PEAR1: variants seen among roughly 807,000 people sequenced by gnomAD.
The protein encoded by PEAR1 is multiple EGF-like domains protein 12.
A neutral mutation model predicts 131.2 loss-of-function variants in PEAR1; 113 were observed. The observed-to-expected ratio is 0.86, with a 90% confidence interval of 0.74 to 1.01. PEAR1 has a LOEUF of 1.01. PEAR1 is among the 50% of genes least tolerant of loss of function. PEAR1 has a pLI of 0.00. For synonymous variants in PEAR1, 565 were observed against 523.3 expected, an observed-to-expected ratio of 1.08 and a Z score of -1.09; for missense variants, 1,408 against 1,391.1, an observed-to-expected ratio of 1.01 and a Z score of -0.19.
rs113704391 is a variant in PEAR1 at position 156,908,215 on chromosome 1, C to A, written c.990C>A (p.Ala330=). The part of the protein sequence containing the change: ...DCAPDARCFP[A]NGACLCEHGF... ...CCCCGGACGCCCGTTGCTTCCCGGC[C>A]AACGGCGCATGTCTGTGCGAACACG... Residue 330 remains alanine, a synonymous_variant, in exon 9 of 23, where the codon GCC becomes GCA. Transcript: ENST00000292357. This position sits in a 1 kb window ranked among gnomAD's most constrained non-coding sequence, Gnocchi z 4.2. 5.7e-5 allele frequency: 91 copies of A among 1,602,980 alleles called. 1 individual carries two copies. The African/African-American group carries it at 9.7e-4, about 17-fold the overall frequency.
At chr1:156,901,189 G>A (rs369984389) in intron 1 of PEAR1, among the ~76,000 whole-genome samples, 7 of 152,278 alleles carry the variant, frequency 4.6e-5, no homozygotes, top group East Asian at 1.9e-4. Context: ...TGCCTCCTCC[G>A]CACTCTGGCC....
rs561911233 is a variant in PEAR1, at chr1:156,902,219, G to C, written c.-9-1699G>C. 6.6e-6 allele frequency: 1 copy of C among 152,572 alleles called. No individual in the cohort carries two copies. Among genetic ancestry groups the C allele is most frequent in the Admixed American group, 6.5e-5 (1 of 15,306 alleles). The allele number at this position is 152,572 out of a possible 1,614,324, so 9.5% of individuals were successfully genotyped here. A position where few individuals can be genotyped will look rare whatever the true frequency, so the allele number is the denominator to read the frequency against. On this transcript the variant is annotated intron_variant, in intron 1 of 22. Coordinates refer to ENST00000292357, the MANE Select transcript of PEAR1 (RefSeq NM_001080471.3). This position sits in a 1 kb window ranked among gnomAD's most constrained non-coding sequence, Gnocchi z 4.3. ...TATCCTGAACGCTGGGATCCCCCAGGACATTCCCTGGCCCCCAGGCCCCAG... is the reference window on the plus strand; with the variant it reads ...TATCCTGAACGCTGGGATCCCCCAGCACATTCCCTGGCCCCCAGGCCCCAG...
intron 1 of PEAR1, among the ~76,000 whole-genome samples, chr1:156,896,225 T>C (rs1157615755): frequency 6.6e-6 from 1 of 152,208 alleles, no homozygotes. Context: ...GGAGGCATAA[T>C]AGCACTTACT....
Position 156,908,422 on chromosome 1 carries a change from C to A in PEAR1, c.1115+82C>A. 1 of 1,407,170 alleles carries A rather than the reference C, an allele frequency of 7.1e-7. No homozygotes were observed. Among genetic ancestry groups the A allele is most frequent in the Non-Finnish European group, 9.4e-7 (1 of 1,066,256 alleles). The allele number at this position is 1,407,170 out of a possible 1,614,324, so 87.2% of individuals were successfully genotyped here. On this transcript the variant is annotated intron_variant, in intron 9 of 22. Coordinates refer to ENST00000292357, the MANE Select transcript of PEAR1 (RefSeq NM_001080471.3). The surrounding 1 kb of genome is among the most constrained non-coding windows in gnomAD (Gnocchi z 4.2). ...GCCGAAGTCACCACAGAGCCAGGGC[C>A]ATATCCAAGGGGGACAGGTGTCACA...
chr1:156,905,273 G>A, intron 3 of PEAR1, 51 bp from the exon 4 acceptor site: 1 of 1,564,906 alleles, frequency 6.4e-7, no homozygotes, highest in Non-Finnish European at 8.7e-7. Context: ...CCACACTGTG[G>A]TGAGTGCGGA....
intron 17 of PEAR1, 33 bp from the exon 18 acceptor site, chr1:156,912,737 T>C: frequency 1.2e-6 from 2 of 1,613,652 alleles, no homozygotes; most frequent in Non-Finnish European, 8.5e-7. Context: ...AGAGCCAAGA[T>C]GCCATTCTGA....
In PEAR1 at chr1:156,909,804, A is replaced by C; in HGVS notation, c.1465A>C (p.Ser489Arg). The C allele has an allele frequency of 1.9e-6, 3 of 1,613,978 alleles. No individual in the cohort carries two copies. The highest frequency in any genetic ancestry group is 3.3e-5 in the Admixed American group (2 of 60,020). Residue 489 changes from serine to arginine, a missense_variant, in exon 12 of 23, where the codon AGT becomes CGT. Ser to Arg is a moderately radical substitution (Grantham distance 110). Coordinates refer to ENST00000292357, the MANE Select transcript of PEAR1 (RefSeq NM_001080471.3). ...VPCPPGTWGFSCNASCQCAHE... is the reference protein window; with the variant it reads ...VPCPPGTWGFRCNASCQCAHE... Reference sequence around the variant, plus strand: ...CTGCCCACCCGGAACCTGGGGCTTCAGTTGCAATGCCAGCTGCCAGTGTGC... The same window carrying C: ...CTGCCCACCCGGAACCTGGGGCTTCCGTTGCAATGCCAGCTGCCAGTGTGC...
intron 1 of PEAR1, among the ~76,000 whole-genome samples, chr1:156,899,453 C>T (rs1328527545): frequency 6.6e-6 from 1 of 151,878 alleles, no homozygotes; most frequent in Non-Finnish European, 1.5e-5. Flanking sequence ...CTCGGGGGAG[C>T]CTGGCCCCCT....
At chr1:156,894,359 T>C (rs181993563) in intron 1 of PEAR1, among the ~76,000 whole-genome samples, 23 of 152,340 alleles carry the variant, frequency 1.5e-4, no homozygotes, top group African/African-American at 5.3e-4. Context: ...ATATAGGGCC[T>C]ACCTCATGGG....
chr1:156,904,859 G>A lies in PEAR1; in HGVS notation c.206+7G>A. 3.7e-6 allele frequency: 6 copies of A among 1,613,938 alleles called. No homozygotes were observed. The South Asian group carries it at 5.5e-5, about 15-fold the overall frequency. On this transcript the variant is annotated splice_region_variant and intron_variant, in intron 3 of 22. Transcript: ENST00000292357. ...ATACTTGCCCCCAGCCCACGTGAGT[G>A]CTCCTCATCCTCCATGGGTGGATGG...
Position 156,908,666 on chromosome 1 carries a change from T to C in PEAR1, c.1127T>C (p.Met376Thr), listed in dbSNP as rs753286934. 6 of 1,527,426 alleles carry C rather than the reference T, an allele frequency of 3.9e-6. No homozygotes were observed. The South Asian group carries it at 6.0e-5, about 15-fold the overall frequency. The allele number at this position is 1,527,426 out of a possible 1,614,324, so 94.6% of individuals were successfully genotyped here. A position where few individuals can be genotyped will look rare whatever the true frequency, so the allele number is the denominator to read the frequency against. The change falls in exon 10 of 23, where the codon ATG becomes ACG. Residue 376 changes from methionine (M) to threonine (T), a missense_variant. Transcript: ENST00000292357. The surrounding 1 kb of genome is among the most constrained non-coding windows in gnomAD (Gnocchi z 4.2). ...DREHSLSCHP[M>T]NGECSCLPGW... is the part of the protein sequence containing the mutation. ...GCCTCTGCCCCCAGCTGCCACCCGA[T>C]GAACGGGGAGTGCTCCTGCCTGCCG...
chr1:156,912,691 T>G, intron 17 of PEAR1, 69 bp downstream of exon 17: 3 of 1,609,676 alleles, frequency 1.9e-6, no homozygotes, highest in Non-Finnish European at 2.5e-6. Context: ...CCTCATACAG[T>G]CCCTACTTCC....
chr1:156,904,906 G>A, intron 3 of PEAR1, 54 bp downstream of exon 3: 8 of 1,610,566 alleles, frequency 5.0e-6, no homozygotes, highest in South Asian at 1.1e-5. Flanking sequence ...CGCTGCCTCA[G>A]CCTGGCCCCT....
chr1:156,901,400 G>T (rs1649665458), intron 1 of PEAR1, among the ~76,000 whole-genome samples: 1 of 152,228 alleles, frequency 6.6e-6, no homozygotes, highest in African/African-American at 2.4e-5. Context: ...ACTTGGGTGG[G>T]TAGGGGCTGA....
At chr1:156,904,604 G>A in intron 2 of PEAR1, 144 bp from the exon 3 acceptor site, 2 of 797,168 alleles carry the variant, frequency 2.5e-6, no homozygotes, top group Non-Finnish European at 2.0e-6. Flanking sequence ...GGACAGGATG[G>A]GGGTCCCATC....
In PEAR1 at chr1:156,913,262, AACCCCCC is replaced by A; in HGVS notation, c.2498_2504del (p.Pro833LeufsTer85). 6.2e-7 allele frequency: 1 copy of A among 1,609,574 alleles called. No homozygotes were observed. Among genetic ancestry groups the A allele is most frequent in the Non-Finnish European group, 8.5e-7 (1 of 1,177,646 alleles). ...CCACACCCTGTCGCAGTGCTCCCCA[AACCCCCC>A]ACCCCCTAACAAGGTCAGTGCCGGG... On this transcript the variant is annotated frameshift_variant, in exon 19 of 23. Transcript: ENST00000292357. LOFTEE classifies it high-confidence loss of function.
In PEAR1 at chr1:156,908,717, A is replaced by C; in HGVS notation, c.1178A>C (p.Glu393Ala). The part of the protein sequence containing the change: ...LPGWAGLHCN[E>A]SCPQDTHGPG... The stretch of plus-strand genomic sequence containing the variant: ...GGCTGGGCGGGCCTCCACTGCAACG[A>C]GAGCTGCCCGCAGGACACGCATGGG... Residue 393 changes from glutamate to alanine, a missense_variant, in exon 10 of 23, where the codon GAG (glutamate) becomes GCG (alanine). Glu to Ala is a moderately radical substitution (Grantham distance 107). Coordinates refer to ENST00000292357, the MANE Select transcript of PEAR1 (RefSeq NM_001080471.3). This position sits in a 1 kb window ranked among gnomAD's most constrained non-coding sequence, Gnocchi z 4.2. The C allele has an allele frequency of 6.5e-7, 1 of 1,548,434 alleles. No homozygotes were observed. Among genetic ancestry groups the C allele is most frequent in the Non-Finnish European group, 8.7e-7 (1 of 1,150,834 alleles).
At chr1:156,894,825 C>T (rs1042456794) in intron 1 of PEAR1, among the ~76,000 whole-genome samples, 1 of 152,206 alleles carries the variant, frequency 6.6e-6, no homozygotes, top group Non-Finnish European at 1.5e-5. Flanking sequence ...TCAGCCAGGG[C>T]TCAGCTCGGG....
chr1:156,910,609 T>C lies in PEAR1; in HGVS notation c.1826-9T>C. The C allele has an allele frequency of 6.2e-7, 1 of 1,613,592 alleles. No individual in the cohort carries two copies. The highest frequency in any genetic ancestry group is 8.5e-7 in the Non-Finnish European group (1 of 1,179,860). The stretch of plus-strand genomic sequence containing the variant: ...CTGCCCCCAATCACCATGTACCCCT[T>C]TCCCCCAGCCTGTCAGCCTGGCCGC... On this transcript the variant is annotated splice_polypyrimidine_tract_variant and intron_variant, in intron 14 of 22. Transcript: ENST00000292357.
Sources: gnomAD v4.1 joint callset for allele counts (sites outside exome capture counted in the v4.1 genomes callset) on GRCh38, gnomAD v4.1.1 for gene constraint, Gnocchi (gnomAD v3.1) non-coding constraint, MANE v1.5 for transcripts, NCBI Gene and HGNC (gene_info 2026-07-23, HGNC 2026-07-21) for gene names.